Variants in MCF2L observed in about 807,000 individuals in gnomAD.
The protein encoded by MCF2L is guanine nucleotide exchange factor DBS.
A neutral mutation model predicts 153.4 loss-of-function variants in MCF2L; 97 were observed. The ratio of observed to expected loss-of-function variants is 0.63; its 90% CI spans 0.54 to 0.75. The LOEUF (loss-of-function observed/expected upper bound fraction) is 0.75, where lower values mean the gene tolerates loss of function less well. Ranked by LOEUF, MCF2L falls within the 30% of genes least tolerant of loss-of-function variation. MCF2L has a pLI of 0.00. For synonymous variants in MCF2L, 659 were observed against 632.2 expected, an observed-to-expected ratio of 1.04 and a Z score of -0.64; for missense variants, 1,347 against 1,495.2, an observed-to-expected ratio of 0.90 and a Z score of 1.64.
At chr13:112,958,004 T>C (rs576732342) in intron 2 of MCF2L, 13 of 152,362 alleles carry the variant, frequency 8.5e-5, no homozygotes, top group African/African-American at 2.9e-4. Context: ...TTTCCTAAAA[T>C]TTCTTCATTC....
chr13:113,029,540 C>A lies in MCF2L; in HGVS notation c.278+4782C>A, dbSNP rs563161518. ...ACCGTCCCAGAGGAAGTCTCTGCAT[C>A]CCTGGCGAGCAAAATTGCCAGGCTA... On this transcript the variant is annotated intron_variant, in intron 3 of 29. Transcript: ENST00000535094. Among the ~76,000 whole-genome samples, 3 of 152,328 alleles carry A rather than the reference C, an allele frequency of 2.0e-5. 1 individual carries two copies. The South Asian group carries it at 6.2e-4, about 32-fold the overall frequency.
intron 1 of MCF2L, among the ~76,000 whole-genome samples, chr13:112,896,950 C>A (rs2081073608): frequency 6.6e-6 from 1 of 152,206 alleles, no homozygotes. Flanking sequence ...TGTGGAGGGT[C>A]CTTCAGGGGA....
chr13:112,902,265 A>T, exon 2 of MCF2L: 1 of 1,612,828 alleles, frequency 6.2e-7, no homozygotes, highest in Non-Finnish European at 8.5e-7. Flanking sequence ...ATTCTTCCCC[A>T]CAACGGCCCA....
intron 1 of MCF2L, among the ~76,000 whole-genome samples, chr13:112,972,432 G>T (rs1336005553): frequency 7.0e-6 from 1 of 143,652 alleles, no homozygotes; most frequent in Non-Finnish European, 1.5e-5. Context: ...GTGGATGGAT[G>T]GGTGGGTGGA....
In MCF2L at chr13:113,065,063, C is replaced by G; in HGVS notation, c.734C>G (p.Thr245Arg). ...QSTSSVLCAH[T>R]EKKDKAKEDL... ...ACAAGCTCAGTGCTGTGTGCGCACA[C>G]AGAGAAGAAGGACAAGGCGAAGGTA... Residue 245 changes from threonine to arginine, a missense_variant, in exon 7 of 30, where the codon ACA (threonine) becomes AGA (arginine). Around this residue, in one of 3 missense-constraint regions of MCF2L, gnomAD observed 820 missense variants for 921.2 expected, o/e 0.89. Coordinates refer to ENST00000535094, the MANE Select transcript of MCF2L (RefSeq NM_001112732.3). 1 of 1,607,896 alleles carries G rather than the reference C, an allele frequency of 6.2e-7. No individual in the cohort carries two copies. Among genetic ancestry groups the G allele is most frequent in the South Asian group, 1.1e-5 (1 of 90,920 alleles).
chr13:112,979,516 C>G (rs1424255209), intron 1 of MCF2L: 10 of 1,473,692 alleles, frequency 6.8e-6, no homozygotes, highest in Non-Finnish European at 3.6e-6. Flanking sequence ...GAGCACCTGT[C>G]TCTTGTGACC....
chr13:112,908,838 G>A (rs1328300531), intron 2 of MCF2L, among the ~76,000 whole-genome samples: 1 of 150,956 alleles, frequency 6.6e-6, no homozygotes, highest in African/African-American at 2.4e-5. Context: ...CCATTCTCCT[G>A]CCTCAGCCTC....
At chr13:113,050,752 TGCG>T (rs2087237778) in intron 4 of MCF2L, among the ~76,000 whole-genome samples, 16 of 3,164 alleles carry the variant, frequency 5.1e-3, no homozygotes, top group South Asian at 0.016. Context: ...AGCGGGGGGG[TGCG>T]GGGGGCGGTG....
At chr13:113,084,147 C>T in intron 18 of MCF2L, 80 bp downstream of exon 18, 1 of 1,141,684 alleles carries the variant, frequency 8.8e-7, no homozygotes, top group Admixed American at 1.7e-5. Flanking sequence ...CTGCAAGTTC[C>T]TATTCTAACC....
At chr13:112,986,722 ACTGGGC>A (rs1159675595) in intron 1 of MCF2L, among the ~76,000 whole-genome samples, 1 of 152,188 alleles carries the variant, frequency 6.6e-6, no homozygotes. Context: ...GTGGGTGGAC[ACTGGGC>A]CGAGGGTGCC....
chr13:112,979,362 C>G, intron 1 of MCF2L: 1 of 1,319,222 alleles, frequency 7.6e-7, no homozygotes, highest in Non-Finnish European at 9.7e-7. Context: ...TCTAGCACCT[C>G]GGCATTGTCT....
rs1374260216 is a variant in MCF2L at position 112,986,621 on chromosome 13, G to T, written c.79+17163G>T. 2.0e-5 allele frequency among the ~76,000 whole-genome samples: 3 copies of T among 152,328 alleles called. No homozygotes were observed. In the South Asian group the frequency reaches 6.2e-4, roughly 32 times the overall value. ...TGGGCCCCCTGGTTAGGACAGAAAC[G>T]CAAGAGCCACGCAAACCTCTCTGTG... On this transcript the variant is annotated intron_variant, in intron 1 of 29. Transcript: ENST00000535094.
rs139381606 is a variant in MCF2L at position 113,035,060 on chromosome 13, G to C, written c.279-10211G>C. Among the ~76,000 whole-genome samples the C allele has an allele frequency of 5.2e-3, 793 of 152,284 alleles. 3 individuals carry two copies. Among genetic ancestry groups the C allele is most frequent in the African/African-American group, 0.01 (423 of 41,562 alleles). ...CCCCGTGAAGCCCCTCGGGAGGAAG[G>C]GTTCCTGTCCACGTTCAGCACCCCC... is the stretch of plus-strand genomic sequence containing the variant. On this transcript the variant is annotated intron_variant, in intron 3 of 29. Coordinates refer to ENST00000535094, the MANE Select transcript of MCF2L (RefSeq NM_001112732.3). The surrounding 1 kb of genome is among the most constrained non-coding windows in gnomAD (Gnocchi z 4.4).
chr13:112,990,112 G>C (rs1388369659), intron 1 of MCF2L, among the ~76,000 whole-genome samples: 3 of 152,228 alleles, frequency 2.0e-5, no homozygotes, highest in Non-Finnish European at 4.4e-5. Flanking sequence ...ACTTCCTGCT[G>C]TGCAGCCCGA....
intron 1 of MCF2L, among the ~76,000 whole-genome samples, chr13:113,004,338 G>A (rs529061171): frequency 1.2e-4 from 18 of 152,266 alleles, no homozygotes; most frequent in East Asian, 7.7e-4. Context: ...CTTGTTGAGC[G>A]CACCTCCCAC....
At chr13:113,017,994 C>G (rs1231671252) in intron 2 of MCF2L, among the ~76,000 whole-genome samples, 1 of 152,242 alleles carries the variant, frequency 6.6e-6, no homozygotes, top group African/African-American at 2.4e-5. Context: ...ACGTTCGTGC[C>G]AGCCCTGTGC....
rs76355817 is a variant in MCF2L at position 112,935,207 on chromosome 13, G to A, written c.169+32836G>A. Among the ~76,000 whole-genome samples the A allele has an allele frequency of 2.1e-3, 325 of 152,236 alleles. 6 individuals carry two copies. In the East Asian group the frequency reaches 0.033, roughly 15 times the overall value. On this transcript the variant is annotated intron_variant, in intron 2 of 29. Transcript: ENST00000375608. The stretch of plus-strand genomic sequence containing the variant: ...AAACCATACCTCACATACCCATACG[G>A]CCATTCTGCTTTGCACTTTCAGTAC...
Position 113,027,184 on chromosome 13 carries a change from C to T in MCF2L, c.278+2426C>T. On this transcript the variant is annotated intron_variant, in intron 3 of 29. Coordinates refer to ENST00000535094, the MANE Select transcript of MCF2L (RefSeq NM_001112732.3). This position sits in a 1 kb window ranked among gnomAD's most constrained non-coding sequence, Gnocchi z 4.8. The stretch of plus-strand genomic sequence containing the variant: ...CCGTGAAGGTTCTTCATTCTTCAGT[C>T]TTTAAAGACAACAGCGCACTGGGCC... The T allele has an allele frequency of 1.6e-6, 1 of 644,106 alleles. No individual in the cohort carries two copies. Among genetic ancestry groups the T allele is most frequent in the Non-Finnish European group, 2.8e-6 (1 of 353,300 alleles). The allele number at this position is 644,106 out of a possible 1,614,324, so 39.9% of individuals were successfully genotyped here. A position where few individuals can be genotyped will look rare whatever the true frequency, so the allele number is the denominator to read the frequency against.
At chr13:112,980,356 T>G (rs1357976099) in intron 1 of MCF2L, among the ~76,000 whole-genome samples, 1 of 152,250 alleles carries the variant, frequency 6.6e-6, no homozygotes, top group Non-Finnish European at 1.5e-5. Context: ...CATCCTGCCC[T>G]TTCCCCTGTC....
Sources: gnomAD v4.1 joint callset for allele counts (sites outside exome capture counted in the v4.1 genomes callset) on GRCh38, gnomAD v4.1.1 for gene constraint, gnomAD v4.1.1 regional missense constraint, Gnocchi (gnomAD v3.1) non-coding constraint, MANE v1.5 for transcripts, NCBI Gene and HGNC (gene_info 2026-07-23, HGNC 2026-07-21) for gene names.